The following COL23A1 variants were observed in gnomAD, a reference collection of about 807,000 sequenced individuals.
COL23A1 encodes the protein collagen type XXIII alpha 1 chain, also known as collagen alpha-1(XXIII) chain.
In COL23A1, 97 loss-of-function variants were observed where a neutral mutation model predicts 99.3. The ratio of observed to expected loss-of-function variants is 0.98; its 90% CI spans 0.83 to 1.16. COL23A1 has a LOEUF of 1.16. Among genes scored for constraint, COL23A1 ranks in the 50% most tolerant of loss-of-function variants. COL23A1 has a pLI of 0.00. For missense variants in COL23A1, 762 were observed against 757.4 expected, an observed-to-expected ratio of 1.01 and a Z score of -0.07; for synonymous variants, 320 against 308.2, an observed-to-expected ratio of 1.04 and a Z score of -0.40.
chr5:178,578,055 A>G (rs938074292), intron 1 of COL23A1, among the ~76,000 whole-genome samples: 2 of 151,218 alleles, frequency 1.3e-5, no homozygotes, highest in Non-Finnish European at 2.9e-5. Flanking sequence ...GCATGCACAC[A>G]CCCACATGCA....
intron 3 of COL23A1, among the ~76,000 whole-genome samples, chr5:178,300,076 T>C (rs1757949160): frequency 6.8e-6 from 1 of 146,032 alleles, no homozygotes; most frequent in Admixed American, 6.9e-5. Flanking sequence ...TTTTTTTCTT[T>C]TTTTTTTGAG....
chr5:178,238,753 C>T lies in COL23A1; in HGVS notation c.1621-53G>A, dbSNP rs927203297. 3.7e-6 allele frequency: 6 copies of T among 1,611,566 alleles called. No homozygotes were observed. The African/African-American group carries it at 8.0e-5, about 22-fold the overall frequency. ...GACGAGGAGCCCGAGAAGCTCCGCC[C>T]CCATCCAGGCCACCTTGCCTGGCCT... On this transcript the variant is annotated intron_variant, in intron 28 of 28. Coordinates refer to ENST00000390654, the MANE Select transcript of COL23A1 (RefSeq NM_173465.4).
At position 178,300,276 on chromosome 5, in the gene COL23A1, C is replaced by T. The variant is rs563007466; in HGVS notation, c.406+6599G>A. Among the ~76,000 whole-genome samples, 127 of 151,258 alleles carry T rather than the reference C, an allele frequency of 8.4e-4. 1 individual carries two copies. Among genetic ancestry groups the T allele is most frequent in the Non-Finnish European group, 1.5e-3 (100 of 67,844 alleles). On this transcript the variant is annotated intron_variant, in intron 3 of 28. Transcript: ENST00000390654. ...TTTTTTCAGTAGAGACCATCTTGGC[C>T]GGGCTGGTCTTGAACTCCTGACCTT...
chr5:178,560,291 C>T (rs992158225), intron 2 of COL23A1, among the ~76,000 whole-genome samples: 2 of 152,202 alleles, frequency 1.3e-5, no homozygotes. Flanking sequence ...ACCTTCTGCA[C>T]GTCTGACATA....
At chr5:178,582,206 CA>C (rs11315118) in intron 1 of COL23A1, among the ~76,000 whole-genome samples, 5,895 of 31,426 alleles carry the variant, frequency 0.19, 76 homozygotes, top group East Asian at 0.39. Context: ...GACTCTATCT[CA>C]AAAAAAAAAA....
chr5:178,481,131 C>CAAAAAAAAAAAA (rs10625763), intron 2 of COL23A1, among the ~76,000 whole-genome samples: 39 of 102,252 alleles, frequency 3.8e-4, no homozygotes, highest in Non-Finnish European at 5.2e-4. Flanking sequence ...GACTGTCTCT[C>CAAAAAAAAAAAA]AAAAAAAAAA....
chr5:178,483,919 C>T (rs1050312155), intron 2 of COL23A1, among the ~76,000 whole-genome samples: 1 of 152,164 alleles, frequency 6.6e-6, no homozygotes, highest in Non-Finnish European at 1.5e-5. Flanking sequence ...TACTGGGTAC[C>T]GGCTCTGTGC....
At chr5:178,343,212 T>C (rs929465986) in intron 2 of COL23A1, among the ~76,000 whole-genome samples, 2 of 151,810 alleles carry the variant, frequency 1.3e-5, no homozygotes, top group Non-Finnish European at 2.9e-5. Flanking sequence ...GATCAAAGGG[T>C]GATCAGATTC....
chr5:178,510,673 TAAAATAAAAAATA>T (rs143887211), intron 2 of COL23A1, among the ~76,000 whole-genome samples: 98,363 of 150,336 alleles, frequency 0.65, 33,554 homozygotes, highest in East Asian at 0.88. Context: ...ACAATAATAA[TAAAATAAAAAATA>T]AAAATAAAAA....
intron 2 of COL23A1, among the ~76,000 whole-genome samples, chr5:178,326,463 GCCCCAGCTTGCTGGGA>G (rs1759668410): frequency 6.7e-6 from 1 of 150,338 alleles, no homozygotes; most frequent in Non-Finnish European, 1.5e-5. Flanking sequence ...CTTACTCCCA[GCCCCAGCTTGCTGGGA>G]CCTTGGAATA....
At chr5:178,443,925 G>C (rs111727593) in intron 2 of COL23A1, among the ~76,000 whole-genome samples, 59 of 152,266 alleles carry the variant, frequency 3.9e-4, no homozygotes, top group African/African-American at 1.4e-3. Flanking sequence ...AAATGGGCTG[G>C]GCACAGAGGC....
intron 2 of COL23A1, among the ~76,000 whole-genome samples, chr5:178,392,881 C>T (rs928765941): frequency 3.9e-5 from 6 of 152,076 alleles, no homozygotes; most frequent in African/African-American, 9.7e-5. Flanking sequence ...AGTGTGCCAG[C>T]GCTGAAGAGA....
At chr5:178,288,658 G>C in intron 4 of COL23A1, 1 of 521,610 alleles carries the variant, frequency 1.9e-6, no homozygotes, top group South Asian at 2.5e-5. Context: ...TGGGGTTCTG[G>C]AGGGTGCAGC....
At position 178,434,112 on chromosome 5, in the gene COL23A1, C is replaced by T. The variant is rs956954624; in HGVS notation, c.361+126570G>A. Among the ~76,000 whole-genome samples, 7 of 152,210 alleles carry T rather than the reference C, an allele frequency of 4.6e-5. No homozygotes were observed. Among genetic ancestry groups the T allele is most frequent in the Non-Finnish European group, 1.0e-4 (7 of 68,038 alleles). On this transcript the variant is annotated intron_variant, in intron 2 of 28. Transcript: ENST00000390654. This position sits in a 1 kb window ranked among gnomAD's most constrained non-coding sequence, Gnocchi z 4.3. Reference sequence around the variant, plus strand: ...CCCAACTGGTACTTTGTTATGGCAGCGCACACACTCACACACCCTCCCAAT... The same window carrying T: ...CCCAACTGGTACTTTGTTATGGCAGTGCACACACTCACACACCCTCCCAAT...
At chr5:178,267,970 TTGG>T (rs1755997922) in intron 7 of COL23A1, among the ~76,000 whole-genome samples, 2 of 152,192 alleles carry the variant, frequency 1.3e-5, no homozygotes, top group African/African-American at 4.8e-5. Flanking sequence ...GGTCACACAG[TTGG>T]TGGTGGAGCT....
intron 25 of COL23A1, among the ~76,000 whole-genome samples, chr5:178,245,354 T>TTATC (rs1764628204): frequency 7.0e-6 from 1 of 142,544 alleles, no homozygotes; most frequent in Non-Finnish European, 1.5e-5. Context: ...CATTCATCTA[T>TTATC]TATCCATCCA....
intron 3 of COL23A1, among the ~76,000 whole-genome samples, chr5:178,296,886 AG>A (rs1351244257): frequency 6.6e-6 from 1 of 152,158 alleles, no homozygotes; most frequent in Non-Finnish European, 1.5e-5. Flanking sequence ...GCTTCATGCC[AG>A]CACCAGCGTC....
chr5:178,396,852 C>T (rs568197954), intron 2 of COL23A1, among the ~76,000 whole-genome samples: 4 of 152,168 alleles, frequency 2.6e-5, no homozygotes, highest in East Asian at 1.9e-4. Context: ...AGTCTCTCCC[C>T]GGCGGGCAGG....
At chr5:178,580,567 A>C (rs1345320207) in intron 1 of COL23A1, among the ~76,000 whole-genome samples, 1 of 152,116 alleles carries the variant, frequency 6.6e-6, no homozygotes, top group Non-Finnish European at 1.5e-5. Flanking sequence ...TTAAAGATTA[A>C]TCCTGATTCA....
Sources: allele counts gnomAD v4.1 joint callset (sites outside exome capture counted in the v4.1 genomes callset), GRCh38; gene constraint gnomAD v4.1.1; non-coding constraint Gnocchi (gnomAD v3.1); transcripts MANE v1.5; gene names NCBI Gene and HGNC (gene_info 2026-07-23, HGNC 2026-07-21).